The following ZNF516 variants were observed in gnomAD, a reference collection of about 807,000 sequenced individuals.
ZNF516 encodes zinc finger protein 516.
Under a neutral mutation model 79.7 loss-of-function variants are expected in ZNF516, and 19 were observed. That is an observed-to-expected ratio of 0.24 (90% confidence interval 0.17 to 0.35). The LOEUF (loss-of-function observed/expected upper bound fraction) is 0.35, where lower values mean the gene tolerates loss of function less well. Among genes scored for constraint, ZNF516 ranks in the 10% least tolerant of loss-of-function variants. The pLI is 1.00. For missense variants in ZNF516, 1,678 were observed against 1,679.5 expected (o/e 1.00, Z 0.02); for synonymous variants, 877 against 739.5 (o/e 1.19, Z -3.02).
At chr18:76,424,002 G>C (rs1599065520) in intron 3 of ZNF516, among the ~76,000 whole-genome samples, 1 of 120,682 alleles carries the variant, frequency 8.3e-6, no homozygotes, top group African/African-American at 3.3e-5. Flanking sequence ...AGGTAAAAAG[G>C]CTTCACCCCT....
chr18:76,442,540 G>C lies in ZNF516; in HGVS notation c.515C>G (p.Ala172Gly). 6.3e-7 allele frequency: 1 copy of C among 1,599,728 alleles called. No individual in the cohort carries two copies. Among genetic ancestry groups the C allele is most frequent in the South Asian group, 1.1e-5 (1 of 91,064 alleles). ...CTTGCAGAAGGAGCACTGGACCGCT[G>C]CCTTGGCCTCCCCCGGGGCGCATGC... ...GSACAPGEAK[A>G]AVQCSFCKSQ... Residue 172 changes from alanine (A) to glycine (G), a missense_variant, in exon 3 of 7, where the codon GCA (alanine) becomes GGA (glycine). By Grantham distance (60) the Ala-to-Gly change is moderately conservative. Transcript: ENST00000443185.
chr18:76,480,529 A>ATATTTTTTTT (rs374464151), intron 1 of ZNF516, among the ~76,000 whole-genome samples: 15 of 142,016 alleles, frequency 1.1e-4, no homozygotes, highest in Non-Finnish European at 1.2e-4. Flanking sequence ...ACACACATAT[A>ATATTTTTTTT]TTTTTTTTTT....
rs149077025 is a variant in ZNF516, at chr18:76,491,924, C to A, written c.-272+3220G>T. Among the ~76,000 whole-genome samples the A allele has an allele frequency of 3.2e-3, 484 of 152,244 alleles. 14 individuals carry two copies. In the East Asian group the frequency reaches 0.08, roughly 25 times the overall value. On this transcript the variant is annotated intron_variant, in intron 1 of 6. Coordinates refer to ENST00000443185, the MANE Select transcript of ZNF516 (RefSeq NM_014643.4). The stretch of plus-strand genomic sequence containing the variant: ...ATTGGGTGGAACTCGGGCTGGGGGG[C>A]GGAAATGGCCCGAGTGGGAGGGAAG...
At chr18:76,378,383 GTTTT>G (rs1361099339) in intron 4 of ZNF516, 1 of 153,588 alleles carries the variant, frequency 6.5e-6, no homozygotes, top group South Asian at 2.1e-4. Flanking sequence ...CTAATTAGGT[GTTTT>G]TTTAATTACA....
chr18:76,415,876 A>G (rs1568273098), intron 3 of ZNF516, among the ~76,000 whole-genome samples: 1 of 152,208 alleles, frequency 6.6e-6, no homozygotes, highest in Non-Finnish European at 1.5e-5. Context: ...TTCGAAAGTT[A>G]GCATCTCTCT....
At chr18:76,381,047 C>A (rs757563787) in intron 3 of ZNF516, among the ~76,000 whole-genome samples, 1 of 152,188 alleles carries the variant, frequency 6.6e-6, no homozygotes, top group Non-Finnish European at 1.5e-5. Flanking sequence ...CCCTGATGGT[C>A]GGACCTTGAC....
intron 1 of ZNF516, chr18:76,492,054 G>C (rs548309058): frequency 1.6e-6 from 1 of 624,824 alleles, no homozygotes; most frequent in Non-Finnish European, 2.0e-6. Context: ...CCTGGTGGCC[G>C]GGCACACCCG....
intron 3 of ZNF516, among the ~76,000 whole-genome samples, chr18:76,395,195 T>G (rs7231739): frequency 0.025 from 3,740 of 152,056 alleles, 155 homozygotes; most frequent in African/African-American, 0.083. Context: ...CCCAGCAGAG[T>G]GGGTTTCCCA....
At chr18:76,438,517 T>C (rs1184226274) in intron 3 of ZNF516, among the ~76,000 whole-genome samples, 1 of 152,250 alleles carries the variant, frequency 6.6e-6, no homozygotes, top group Non-Finnish European at 1.5e-5. Flanking sequence ...TCTAGTAACA[T>C]ATTCCCAATG....
At chr18:76,445,257 C>A (rs1228933470) in intron 2 of ZNF516, among the ~76,000 whole-genome samples, 60 of 139,390 alleles carry the variant, frequency 4.3e-4, no homozygotes, top group South Asian at 4.5e-4. Flanking sequence ...ACTCCATCTC[C>A]AAAAAAAAAA....
intron 3 of ZNF516, among the ~76,000 whole-genome samples, chr18:76,394,782 T>G (rs2075121483): frequency 1.5e-4 from 1 of 6,752 alleles, no homozygotes; most frequent in Non-Finnish European, 2.7e-4. Context: ...AGGCAGGTGG[T>G]CAGGTGGGGG....
chr18:76,413,190 T>A lies in ZNF516; in HGVS notation c.1810+28055A>T, dbSNP rs560258972. Reference sequence around the variant, plus strand: ...TCTGTGGCTTTAAAGTTGACCACACTCTCTCTCTCCTTAGTGACTAATTCA... The same window carrying A: ...TCTGTGGCTTTAAAGTTGACCACACACTCTCTCTCCTTAGTGACTAATTCA... On this transcript the variant is annotated intron_variant, in intron 3 of 6. Coordinates refer to ENST00000443185, the MANE Select transcript of ZNF516 (RefSeq NM_014643.4). Among the ~76,000 whole-genome samples the A allele has an allele frequency of 5.8e-4, 88 of 152,326 alleles. 2 individuals carry two copies. The South Asian group carries it at 0.017, about 29-fold the overall frequency.
At chr18:76,490,189 C>T (rs1050469807) in intron 1 of ZNF516, 40 of 985,416 alleles carry the variant, frequency 4.1e-5, no homozygotes, top group Admixed American at 6.1e-5. Flanking sequence ...ATGGGGGTCA[C>T]TCCTGTGAAA....
At chr18:76,371,390 C>G in intron 5 of ZNF516, 77 bp downstream of exon 5, 1 of 1,389,808 alleles carries the variant, frequency 7.2e-7, no homozygotes, top group East Asian at 2.5e-5. Flanking sequence ...TCCCTCGCTG[C>G]GGATGGTCAA....
At chr18:76,418,214 AAC>A (rs938970571) in intron 3 of ZNF516, among the ~76,000 whole-genome samples, 18 of 152,144 alleles carry the variant, frequency 1.2e-4, no homozygotes, top group South Asian at 4.2e-4. Flanking sequence ...CACACGCTAT[AAC>A]ACACTGTAAC....
chr18:76,435,193 A>C (rs942274834), intron 3 of ZNF516, among the ~76,000 whole-genome samples: 1 of 152,164 alleles, frequency 6.6e-6, no homozygotes, highest in African/African-American at 2.4e-5. Context: ...TGTCTGCCTG[A>C]TGTTTGTTTC....
chr18:76,496,324 T>C (rs1197049272), upstream of ZNF516: 17 of 1,289,390 alleles, frequency 1.3e-5, no homozygotes. Context: ...AACTCCGCAG[T>C]GGAGGTGGAT....
intron 1 of ZNF516, among the ~76,000 whole-genome samples, chr18:76,464,592 C>T (rs1452010123): frequency 2.0e-5 from 3 of 151,808 alleles, no homozygotes; most frequent in Non-Finnish European, 2.9e-5. Flanking sequence ...CCCAGCCTGG[C>T]CATTTCAGAT....
At chr18:76,484,039 T>G (rs1431529485) in intron 1 of ZNF516, among the ~76,000 whole-genome samples, 1 of 152,232 alleles carries the variant, frequency 6.6e-6, no homozygotes, top group Non-Finnish European at 1.5e-5. Flanking sequence ...CTCCCTACAC[T>G]GCCCTAAACA....
Sources: allele counts gnomAD v4.1 joint callset (sites outside exome capture counted in the v4.1 genomes callset), GRCh38; gene constraint gnomAD v4.1.1; transcripts MANE v1.5; gene names NCBI Gene and HGNC (gene_info 2026-07-23, HGNC 2026-07-21).